WNT9A: variants seen among roughly 807,000 people sequenced by gnomAD.
WNT9A encodes Wnt family member 9A, also known as protein Wnt-9a.
A neutral mutation model predicts 31.4 loss-of-function variants in WNT9A; 8 were observed. The observed-to-expected ratio is 0.26, with a 90% CI of 0.15 to 0.46. The LOEUF (loss-of-function observed/expected upper bound fraction) is 0.46. WNT9A is among the 20% of genes least tolerant of loss of function. The probability of loss-of-function intolerance (pLI) is 0.99; values close to 1 mark genes in which losing one functional copy is unlikely to be tolerated. For synonymous variants in WNT9A, 236 were observed against 220.1 expected (o/e 1.07, Z -0.64); for missense variants, 457 against 522.9 (o/e 0.87, Z 1.23).
At chr1:227,937,676 T>C (rs1282171132) in intron 1 of WNT9A, among the ~76,000 whole-genome samples, 1 of 152,240 alleles carries the variant, frequency 6.6e-6, no homozygotes, top group Non-Finnish European at 1.5e-5. Context: ...CAGCCATCGC[T>C]GGCAGCTGGC....
chr1:227,934,951 C>A (rs1413430449), intron 1 of WNT9A, among the ~76,000 whole-genome samples: 1 of 151,902 alleles, frequency 6.6e-6, no homozygotes, highest in African/African-American at 2.4e-5. Flanking sequence ...TATAGACAGC[C>A]TGAGTCACAG....
intron 1 of WNT9A, among the ~76,000 whole-genome samples, chr1:227,938,652 T>C (rs61825080): frequency 3.7e-4 from 56 of 152,196 alleles, no homozygotes; most frequent in Admixed American, 9.8e-4. Flanking sequence ...CAAACACACA[T>C]ACATGCACAT....
rs1470410052 is a variant in WNT9A at position 227,920,438 on chromosome 1, A to T, written c.*1080T>A. On this transcript the variant is annotated 3_prime_UTR_variant, in exon 4 of 4. Transcript: ENST00000272164. Reference sequence around the variant, plus strand: ...CGGGGAGGTGGCAGGGATGGAGAAAATAATAATTATTATATTAGTTAAATA... The same window carrying T: ...CGGGGAGGTGGCAGGGATGGAGAAATTAATAATTATTATATTAGTTAAATA... 6.6e-6 allele frequency: 1 copy of T among 151,178 alleles called. No homozygotes were observed. Among genetic ancestry groups the T allele is most frequent in the Non-Finnish European group, 1.5e-5 (1 of 67,680 alleles). The allele number at this position is 151,178 out of a possible 1,614,324, so 9.4% of individuals were successfully genotyped here.
intron 3 of WNT9A, 123 bp from the exon 4 acceptor site, chr1:227,922,123 G>T: frequency 2.1e-6 from 3 of 1,415,800 alleles, no homozygotes; most frequent in Middle Eastern, 4.9e-4. Flanking sequence ...CCCTGCCGGC[G>T]GGCGTCACCA....
rs974915873 is a variant in WNT9A at position 227,942,397 on chromosome 1, G to A, written c.95+5396C>T. Among the ~76,000 whole-genome samples, 4 of 152,106 alleles carry A rather than the reference G, an allele frequency of 2.6e-5. No homozygotes were observed. Among genetic ancestry groups the A allele is most frequent in the Non-Finnish European group, 4.4e-5 (3 of 67,990 alleles). On this transcript the variant is annotated intron_variant, in intron 1 of 3. Coordinates refer to ENST00000272164, the MANE Select transcript of WNT9A (RefSeq NM_003395.4). The surrounding 1 kb of genome is among the most constrained non-coding windows in gnomAD (Gnocchi z 5.7). ...CAGCGCCTGCAGGGGCCATCAGGCT[G>A]ACACTCCAGACCCTCCCACTTACGG...
At chr1:227,939,073 T>A (rs1378240289) in intron 1 of WNT9A, among the ~76,000 whole-genome samples, 1 of 152,202 alleles carries the variant, frequency 6.6e-6, no homozygotes, top group Non-Finnish European at 1.5e-5. Context: ...CCTCTGACTG[T>A]CATTCCAGGT....
At chr1:227,938,826 T>C (rs1666644143) in intron 1 of WNT9A, among the ~76,000 whole-genome samples, 1 of 152,194 alleles carries the variant, frequency 6.6e-6, no homozygotes, top group African/African-American at 2.4e-5. Flanking sequence ...CTGGTGAGTG[T>C]GTTTTTGACT....
chr1:227,923,832 C>G (rs2102717590), intron 3 of WNT9A, among the ~76,000 whole-genome samples: 1 of 152,288 alleles, frequency 6.6e-6, no homozygotes, highest in South Asian at 2.1e-4. Flanking sequence ...CAAGGACACC[C>G]TCCTGGTGGC....
intron 1 of WNT9A, among the ~76,000 whole-genome samples, chr1:227,932,793 C>T (rs1323600866): frequency 6.6e-6 from 1 of 152,208 alleles, no homozygotes; most frequent in Non-Finnish European, 1.5e-5. Context: ...AGCAATAATA[C>T]TTTGCAGGAA....
rs113399506 is a variant in WNT9A at position 227,921,078 on chromosome 1, C to T, written c.*440G>A. 3.7e-3 allele frequency: 667 copies of T among 180,768 alleles called. 4 individuals are homozygous for T. The highest frequency in any genetic ancestry group is 0.014 in the African/African-American group (605 of 42,396). The allele number at this position is 180,768 out of a possible 1,614,324, so 11.2% of individuals were successfully genotyped here. On this transcript the variant is annotated 3_prime_UTR_variant, in exon 4 of 4. Coordinates refer to ENST00000272164, the MANE Select transcript of WNT9A (RefSeq NM_003395.4). ...CCTGCACAGCAGGGTTGGCCAGGCCCGGGGACTCGTCCCTTGCAGGTGTAG... is the reference window on the plus strand; with the variant it reads ...CCTGCACAGCAGGGTTGGCCAGGCCTGGGGACTCGTCCCTTGCAGGTGTAG...
rs751347713 is a variant in WNT9A at position 227,942,072 on chromosome 1, C to T, written c.95+5721G>A. Among the ~76,000 whole-genome samples, 1 of 152,102 alleles carries T rather than the reference C, an allele frequency of 6.6e-6. No individual in the cohort carries two copies. The highest frequency in any genetic ancestry group is 2.4e-5 in the African/African-American group (1 of 41,434). ...ATGGCCAAACCCCAGAGCAGGGCACCCCCAGCCCGGGCCACCCCAGCAGCC... is the reference window on the plus strand; with the variant it reads ...ATGGCCAAACCCCAGAGCAGGGCACTCCCAGCCCGGGCCACCCCAGCAGCC... On this transcript the variant is annotated intron_variant, in intron 1 of 3. Coordinates refer to ENST00000272164, the MANE Select transcript of WNT9A (RefSeq NM_003395.4). The surrounding 1 kb of genome is among the most constrained non-coding windows in gnomAD (Gnocchi z 5.7).
chr1:227,923,652 G>C (rs959059192), intron 3 of WNT9A, among the ~76,000 whole-genome samples: 7 of 152,092 alleles, frequency 4.6e-5, no homozygotes, highest in African/African-American at 1.7e-4. Flanking sequence ...CCCCTGACTT[G>C]GGTGAGTGGG....
At chr1:227,927,016 A>G (rs1391115567) in intron 1 of WNT9A, among the ~76,000 whole-genome samples, 2 of 152,050 alleles carry the variant, frequency 1.3e-5, no homozygotes, top group Non-Finnish European at 2.9e-5. Flanking sequence ...GCCCCTCCAC[A>G]GGAGCCACCC....
At chr1:227,938,903 G>A (rs528073542) in intron 1 of WNT9A, among the ~76,000 whole-genome samples, 1 of 152,354 alleles carries the variant, frequency 6.6e-6, no homozygotes, top group South Asian at 2.1e-4. Context: ...CAGCCTGTGA[G>A]TGCAGAGGCA....
intron 3 of WNT9A, among the ~76,000 whole-genome samples, chr1:227,922,457 T>TC (rs1176800114): frequency 6.6e-6 from 1 of 152,108 alleles, no homozygotes; most frequent in African/African-American, 2.4e-5. Context: ...GACCGCAACC[T>TC]CCCTACCCCT....
chr1:227,946,935 C>A (rs1389447004), intron 1 of WNT9A, among the ~76,000 whole-genome samples: 2 of 152,150 alleles, frequency 1.3e-5, no homozygotes, highest in African/African-American at 4.8e-5. Flanking sequence ...CGGCGGCGCT[C>A]GGGGTAGGAG....
intron 1 of WNT9A, among the ~76,000 whole-genome samples, chr1:227,941,871 G>T (rs571381483): frequency 6.6e-6 from 1 of 152,074 alleles, no homozygotes; most frequent in African/African-American, 2.4e-5. Context: ...AAGGGAGCCC[G>T]TGCCGCAGCT....
chr1:227,940,671 G>A (rs2102729832), intron 1 of WNT9A, among the ~76,000 whole-genome samples: 1 of 152,330 alleles, frequency 6.6e-6, no homozygotes, highest in Non-Finnish European at 1.5e-5. Context: ...ACTTCCCCTG[G>A]CTGCACTGAC....
intron 1 of WNT9A, among the ~76,000 whole-genome samples, chr1:227,930,707 GT>G (rs1666496419): frequency 6.6e-6 from 1 of 152,184 alleles, no homozygotes. Context: ...TTGGTTCTTA[GT>G]TTGCTAAGAA....
Sources: gnomAD v4.1 joint callset for allele counts (sites outside exome capture counted in the v4.1 genomes callset) on GRCh38, gnomAD v4.1.1 for gene constraint, Gnocchi (gnomAD v3.1) non-coding constraint, MANE v1.5 for transcripts, NCBI Gene and HGNC (gene_info 2026-07-23, HGNC 2026-07-21) for gene names.